Variants in APBA2 observed in about 807,000 individuals in gnomAD.
APBA2 encodes amyloid-beta A4 precursor protein-binding family A member 2.
APBA2 carries 30 observed loss-of-function variants against 75.0 expected under a neutral mutation model. The observed-to-expected ratio is 0.40, with a 90% CI of 0.30 to 0.54. The LOEUF (loss-of-function observed/expected upper bound fraction) is 0.54. Ranked by LOEUF, APBA2 falls within the 20% of genes least tolerant of loss-of-function variation. The pLI, the probability that APBA2 is intolerant of heterozygous loss-of-function variation, is 0.49. For missense variants in APBA2, 801 were observed against 1,016.1 expected (o/e 0.79, Z 2.88); for synonymous variants, 444 against 409.6 (o/e 1.08, Z -1.01).
At chr15:29,038,761 C>T (rs148493741) in intron 3 of APBA2, among the ~76,000 whole-genome samples, 5,371 of 150,668 alleles carry the variant, frequency 0.036, 333 homozygotes, top group African/African-American at 0.13. Context: ...GCAACCTCCA[C>T]CTCCTGGGTT....
intron 3 of APBA2, among the ~76,000 whole-genome samples, chr15:29,025,547 C>T (rs539269369): frequency 6.6e-6 from 1 of 151,970 alleles, no homozygotes; most frequent in Admixed American, 6.5e-5. Flanking sequence ...GCTGGGATTA[C>T]AGGCGTGAGG....
chr15:28,936,574 G>A (rs775868408), intron 2 of APBA2, among the ~76,000 whole-genome samples: 5 of 152,314 alleles, frequency 3.3e-5, no homozygotes, highest in South Asian at 2.1e-4. Context: ...TGCGCGTTAG[G>A]CACGTGCTGG....
chr15:28,977,209 GC>G (rs979915957), intron 2 of APBA2: 1 of 152,096 alleles, frequency 6.6e-6, no homozygotes, highest in Non-Finnish European at 1.5e-5. Flanking sequence ...CCTGGTGAGG[GC>G]CCTCTGCTTG....
At chr15:29,001,481 G>A (rs1215682641) in intron 3 of APBA2, among the ~76,000 whole-genome samples, 2 of 152,210 alleles carry the variant, frequency 1.3e-5, no homozygotes, top group Non-Finnish European at 2.9e-5. Flanking sequence ...GCAGTGCTGG[G>A]ATTACAGGCA....
At chr15:29,063,390 G>T (rs1419014962) in intron 4 of APBA2, among the ~76,000 whole-genome samples, 70 of 130,582 alleles carry the variant, frequency 5.4e-4, no homozygotes, top group African/African-American at 1.8e-3. Flanking sequence ...TATGGGTGGT[G>T]CGGGGAGTTG....
intron 3 of APBA2, among the ~76,000 whole-genome samples, chr15:29,001,337 A>T (rs1248672737): frequency 6.6e-6 from 1 of 152,160 alleles, no homozygotes; most frequent in Non-Finnish European, 1.5e-5. Context: ...CAGCCCCCTG[A>T]GTAGCTAGGA....
Position 29,016,047 on chromosome 15 carries a change from A to G in APBA2, c.-41+20241A>G, listed in dbSNP as rs2039646687. 2.6e-5 allele frequency among the ~76,000 whole-genome samples: 4 copies of G among 152,192 alleles called. No individual in the cohort carries two copies. The South Asian group carries it at 6.2e-4, about 24-fold the overall frequency. On this transcript the variant is annotated intron_variant, in intron 3 of 14. Coordinates refer to ENST00000683413, the MANE Select transcript of APBA2 (RefSeq NM_001353788.2). The stretch of plus-strand genomic sequence containing the variant: ...GCCAAGGCGGGCGGATCACAAGGTC[A>G]AGAGATCGAGACCATCCTGGCCAAC...
intron 6 of APBA2, among the ~76,000 whole-genome samples, chr15:29,087,647 G>C (rs142282807): frequency 0.013 from 1,914 of 152,278 alleles, 20 homozygotes; most frequent in Middle Eastern, 0.058. Flanking sequence ...CTGGAGAGTC[G>C]GGCCTGGAGG....
intron 12 of APBA2, 139 bp downstream of exon 12, chr15:29,106,958 A>G (rs2152972529): frequency 3.9e-6 from 3 of 764,866 alleles, no homozygotes; most frequent in East Asian, 2.7e-5. Flanking sequence ...CCACCCGGTG[A>G]CTGGTCGATG....
chr15:29,031,256 G>A (rs2040473441), intron 3 of APBA2, among the ~76,000 whole-genome samples: 1 of 152,186 alleles, frequency 6.6e-6, no homozygotes, highest in South Asian at 2.1e-4. Flanking sequence ...AAAGAGCACT[G>A]CATTCATTTG....
At chr15:29,094,362 C>T (rs746497600) in intron 8 of APBA2, 49 bp downstream of exon 8, 41 of 1,598,424 alleles carry the variant, frequency 2.6e-5, no homozygotes, top group African/African-American at 1.1e-4. Context: ...CTTGTGTTTC[C>T]GTGGCTTGTC....
chr15:28,971,488 A>C (rs898039712), intron 2 of APBA2, among the ~76,000 whole-genome samples: 1 of 152,062 alleles, frequency 6.6e-6, no homozygotes, highest in Non-Finnish European at 1.5e-5. Context: ...TCCCACCCTC[A>C]CTCGGGAGAT....
chr15:28,967,305 G>T (rs979138794), intron 2 of APBA2, among the ~76,000 whole-genome samples: 4 of 152,142 alleles, frequency 2.6e-5, no homozygotes, highest in Admixed American at 2.6e-4. Context: ...TAATAAAATT[G>T]TAAGTCTGGC....
At chr15:28,887,415 T>C (rs1595380244) in intron 1 of APBA2, among the ~76,000 whole-genome samples, 2 of 152,202 alleles carry the variant, frequency 1.3e-5, no homozygotes, top group Admixed American at 1.3e-4. Context: ...GGACGAGTTT[T>C]CCTAAGGTGC....
At chr15:29,068,714 C>T (rs1374857264) in intron 4 of APBA2, among the ~76,000 whole-genome samples, 3 of 152,198 alleles carry the variant, frequency 2.0e-5, no homozygotes, top group Non-Finnish European at 2.9e-5. Flanking sequence ...TCCCACTTTG[C>T]CTGGGTGTCA....
At chr15:29,004,489 T>C (rs185529424) in intron 3 of APBA2, among the ~76,000 whole-genome samples, 1 of 152,254 alleles carries the variant, frequency 6.6e-6, no homozygotes, top group African/African-American at 2.4e-5. Flanking sequence ...CTGTGTTTGC[T>C]ATCAGGATCA....
intron 3 of APBA2, among the ~76,000 whole-genome samples, chr15:29,038,438 G>A (rs2040854480): frequency 2.0e-5 from 3 of 152,130 alleles, no homozygotes; most frequent in African/African-American, 2.4e-5. Flanking sequence ...GCATTTTTCC[G>A]TGGTATGGGT....
chr15:29,001,600 T>C (rs1334894121), intron 3 of APBA2, among the ~76,000 whole-genome samples: 2 of 152,188 alleles, frequency 1.3e-5, no homozygotes, highest in Non-Finnish European at 2.9e-5. Flanking sequence ...AACCACATAA[T>C]GAAGAGGGGA....
intron 3 of APBA2, among the ~76,000 whole-genome samples, chr15:29,042,677 C>G (rs550016653): frequency 1.3e-5 from 2 of 152,220 alleles, no homozygotes; most frequent in African/African-American, 4.8e-5. Flanking sequence ...TTTAAATCTA[C>G]ACAGTACTGT....
Sources: gnomAD v4.1 joint callset for allele counts (sites outside exome capture counted in the v4.1 genomes callset) on GRCh38, gnomAD v4.1.1 for gene constraint, MANE v1.5 for transcripts, NCBI Gene and HGNC (gene_info 2026-07-23, HGNC 2026-07-21) for gene names.